Variants in SYNE1 observed in about 807,000 individuals in gnomAD.
SYNE1 encodes the protein nesprin-1.
A neutral mutation model predicts 1,111.0 loss-of-function variants in SYNE1; 616 were observed. The ratio of observed to expected loss-of-function variants is 0.55; its 90% CI spans 0.52 to 0.59. The LOEUF (loss-of-function observed/expected upper bound fraction) is 0.59. Ranked by LOEUF, SYNE1 falls within the 20% of genes least tolerant of loss-of-function variation. The pLI is 0.00. For missense variants in SYNE1, 10,006 were observed against 10,417.0 expected (o/e 0.96, Z 1.72); for synonymous variants, 3,855 against 3,825.8 (o/e 1.01, Z -0.28).
intron 131 of SYNE1, among the ~76,000 whole-genome samples, chr6:152,157,761 T>TC (rs1206504954): frequency 8.1e-6 from 1 of 123,106 alleles, no homozygotes; most frequent in East Asian, 2.4e-4. Context: ...GAACAAATTC[T>TC]TTTTTTTTTT....
chr6:152,453,398 G>T (rs1427089764), intron 25 of SYNE1, 188 bp downstream of exon 25: 2 of 774,262 alleles, frequency 2.6e-6, no homozygotes, highest in Non-Finnish European at 4.2e-6. Flanking sequence ...ATAATAAATA[G>T]GAATAACACA....
intron 4 of SYNE1, among the ~76,000 whole-genome samples, chr6:152,539,027 C>T (rs780588171): frequency 4.6e-5 from 7 of 152,118 alleles, no homozygotes; most frequent in Admixed American, 2.0e-4. Flanking sequence ...TTTGCTTCTG[C>T]GCTATCAAAA....
intron 104 of SYNE1, among the ~76,000 whole-genome samples, chr6:152,254,445 G>A (rs1313760460): frequency 6.6e-6 from 1 of 151,512 alleles, no homozygotes; most frequent in East Asian, 2.0e-4. Context: ...GAGATGGGTT[G>A]CATTATGTTG....
At chr6:152,390,710 T>C (rs1437753781) in intron 52 of SYNE1, among the ~76,000 whole-genome samples, 2 of 152,208 alleles carry the variant, frequency 1.3e-5, no homozygotes, top group Non-Finnish European at 2.9e-5. Flanking sequence ...TTTATTGACT[T>C]CAGTTTCAAA....
chr6:152,628,584 T>G, intron 2 of SYNE1, 30 bp from the exon 3 acceptor site: 1 of 470,000 alleles, frequency 2.1e-6, no homozygotes, highest in Non-Finnish European at 3.8e-6. Context: ...AGGTACAACA[T>G]AAAAAAAAAA....
intron 110 of SYNE1, 73 bp downstream of exon 110, chr6:152,236,034 C>A (rs1241450203): frequency 7.9e-6 from 12 of 1,512,078 alleles, no homozygotes; most frequent in East Asian, 4.5e-5. Flanking sequence ...GAGCCATCAT[C>A]CCCCACCCGC....
chr6:152,528,500 C>A (rs1564655627), intron 4 of SYNE1, among the ~76,000 whole-genome samples: 2 of 152,116 alleles, frequency 1.3e-5, no homozygotes, highest in African/African-American at 2.4e-5. Flanking sequence ...ATTTTTGGAA[C>A]AATATTTTAA....
intron 101 of SYNE1, among the ~76,000 whole-genome samples, chr6:152,261,068 A>G (rs2091916597): frequency 1.3e-5 from 2 of 152,122 alleles, no homozygotes; most frequent in East Asian, 3.9e-4. Context: ...CCCTCCTCCA[A>G]TTCACTACAG....
chr6:152,321,488 G>A lies in SYNE1; in HGVS notation c.16084-98C>T. 4 of 1,437,924 alleles carry A rather than the reference G, an allele frequency of 2.8e-6. No individual in the cohort carries two copies. In the South Asian group the frequency reaches 3.8e-5, roughly 14 times the overall value. The allele number at this position is 1,437,924 out of a possible 1,614,324, so 89.1% of individuals were successfully genotyped here. A position where few individuals can be genotyped will look rare whatever the true frequency, so the allele number is the denominator to read the frequency against. On this transcript the variant is annotated intron_variant, in intron 83 of 145. Transcript: ENST00000367255. Reference sequence around the variant, plus strand: ...TTTCATCAACATATAATTAAGTGTGGAATTAGAAAAATATCTTAATACAAC... The same window carrying A: ...TTTCATCAACATATAATTAAGTGTGAAATTAGAAAAATATCTTAATACAAC...
At chr6:152,198,366 C>A (rs920678477) in intron 127 of SYNE1, among the ~76,000 whole-genome samples, 34 of 152,180 alleles carry the variant, frequency 2.2e-4, no homozygotes, top group Admixed American at 6.5e-5. Flanking sequence ...CTGGTTGGAT[C>A]TTTTATTCAG....
chr6:152,337,442 G>A (rs969416845), intron 75 of SYNE1, among the ~76,000 whole-genome samples: 22 of 152,058 alleles, frequency 1.4e-4, no homozygotes, highest in East Asian at 3.9e-4. Context: ...GGCTTGCGCC[G>A]TCACACCCAA....
intron 95 of SYNE1, among the ~76,000 whole-genome samples, chr6:152,284,825 C>T (rs931276879): frequency 9.9e-5 from 15 of 151,882 alleles, no homozygotes; most frequent in African/African-American, 3.4e-4. Context: ...CCCACATTAA[C>T]CTGTTGCTTT....
chr6:152,354,979 G>A lies in SYNE1; in HGVS notation c.10609-3C>T. On this transcript the variant is annotated splice_polypyrimidine_tract_variant and splice_region_variant and intron_variant, in intron 66 of 145. Coordinates refer to ENST00000367255, the MANE Select transcript of SYNE1 (RefSeq NM_182961.4). ...TCTGCACAGTGTACCTGTAGCTCCT[G>A]CAGAGAAAAAGGTATGGCTGTCACT... 2 of 1,613,550 alleles carry A rather than the reference G, an allele frequency of 1.2e-6. No homozygotes were observed. Among genetic ancestry groups the A allele is most frequent in the Non-Finnish European group, 1.7e-6 (2 of 1,180,020 alleles).
Position 152,135,015 on chromosome 6 carries a change from A to G in SYNE1, c.25788+89T>C, listed in dbSNP as rs1268048758. ...AATGCAAAAAGTTAAAAAAAAAGAA[A>G]CAACACTTACCACTTATATTCATTT... On this transcript the variant is annotated intron_variant, in intron 142 of 145. Transcript: ENST00000367255. 3.2e-6 allele frequency: 5 copies of G among 1,581,694 alleles called. No individual in the cohort carries two copies. In the East Asian group the frequency reaches 1.1e-4, roughly 35 times the overall value.
chr6:152,238,872 GA>G (rs2084849342), intron 108 of SYNE1, among the ~76,000 whole-genome samples: 1 of 150,928 alleles, frequency 6.6e-6, no homozygotes, highest in Admixed American at 6.6e-5. Flanking sequence ...ATTTGGGACA[GA>G]AAAAAATATT....
intron 115 of SYNE1, among the ~76,000 whole-genome samples, chr6:152,227,091 G>A (rs2081764954): frequency 6.6e-6 from 1 of 152,050 alleles, no homozygotes; most frequent in Non-Finnish European, 1.5e-5. Flanking sequence ...GTGTTAATGA[G>A]GAGTCCAGTC....
At chr6:152,194,118 C>T (rs1400274141) in intron 127 of SYNE1, among the ~76,000 whole-genome samples, 4 of 152,054 alleles carry the variant, frequency 2.6e-5, no homozygotes, top group East Asian at 3.9e-4. Context: ...CCTTCACATG[C>T]TTTCTTATTG....
At chr6:152,557,250 A>C (rs189367372) in intron 3 of SYNE1, among the ~76,000 whole-genome samples, 5 of 152,176 alleles carry the variant, frequency 3.3e-5, no homozygotes, top group African/African-American at 1.2e-4. Flanking sequence ...GCTTGACATT[A>C]TTCAGTCAGA....
intron 75 of SYNE1, among the ~76,000 whole-genome samples, chr6:152,337,322 T>A (rs1448346146): frequency 1.3e-5 from 2 of 151,642 alleles, no homozygotes; most frequent in African/African-American, 4.8e-5. Flanking sequence ...AGAGTTTCGC[T>A]CTTGTTGCCC....
Sources: gnomAD v4.1 joint callset for allele counts (sites outside exome capture counted in the v4.1 genomes callset) on GRCh38, gnomAD v4.1.1 for gene constraint, MANE v1.5 for transcripts, NCBI Gene and HGNC (gene_info 2026-07-23, HGNC 2026-07-21) for gene names.